FRMD6: variants seen among roughly 807,000 people sequenced by gnomAD.
FRMD6 encodes the protein FERM domain-containing protein 6.
A neutral mutation model predicts 73.2 loss-of-function variants in FRMD6; 37 were observed. The observed-to-expected ratio is 0.51, with a 90% CI of 0.39 to 0.66. The LOEUF (loss-of-function observed/expected upper bound fraction) is 0.66. Among genes scored for constraint, FRMD6 ranks in the 30% least tolerant of loss-of-function variants. The probability of loss-of-function intolerance (pLI) is 0.00; values close to 1 mark genes in which losing one functional copy is unlikely to be tolerated. For synonymous variants in FRMD6, 273 were observed against 282.2 expected (o/e 0.97, Z 0.33); for missense variants, 714 against 780.5 (o/e 0.91, Z 1.02).
At chr14:51,685,371 C>T (rs1017041213) in intron 1 of FRMD6, among the ~76,000 whole-genome samples, 1 of 152,164 alleles carries the variant, frequency 6.6e-6, no homozygotes, top group Non-Finnish European at 1.5e-5. Flanking sequence ...CTATCAAGTA[C>T]TCTGGGCCTA....
chr14:51,591,748 G>T (rs1889410193), intron 2 of FRMD6, among the ~76,000 whole-genome samples: 1 of 152,058 alleles, frequency 6.6e-6, no homozygotes, highest in African/African-American at 2.4e-5. Context: ...TCACCATGTT[G>T]GCAAGGCTGG....
In FRMD6 at chr14:51,492,564, A is replaced by G. The variant is rs189906871; in HGVS notation, c.-210+3144A>G. On this transcript the variant is annotated intron_variant, in intron 1 of 14. Coordinates refer to the FRMD6 transcript ENST00000356218. Reference sequence around the variant, plus strand: ...TTATTGTATAACTTGGTAATGAATCAGTCAAGTATCACCTTCTTTGATGTT... The same window carrying G: ...TTATTGTATAACTTGGTAATGAATCGGTCAAGTATCACCTTCTTTGATGTT... 3.3e-5 allele frequency among the ~76,000 whole-genome samples: 5 copies of G among 152,260 alleles called. No homozygotes were observed. In the East Asian group the frequency reaches 7.7e-4, roughly 24 times the overall value.
chr14:51,569,960 T>C (rs866604002), intron 1 of FRMD6, among the ~76,000 whole-genome samples: 19 of 151,906 alleles, frequency 1.3e-4, no homozygotes, highest in Admixed American at 9.2e-4. Flanking sequence ...GGACTACAGG[T>C]GTGCGCCACC....
chr14:51,724,668 C>G (rs1566601567), intron 12 of FRMD6, among the ~76,000 whole-genome samples: 1 of 151,752 alleles, frequency 6.6e-6, no homozygotes, highest in East Asian at 1.9e-4. Flanking sequence ...GGATAGAACA[C>G]AAGTCATTCT....
chr14:51,553,610 T>G (rs377092232), intron 1 of FRMD6, among the ~76,000 whole-genome samples: 1 of 152,142 alleles, frequency 6.6e-6, no homozygotes, highest in African/African-American at 2.4e-5. Context: ...TAAAAGGAGC[T>G]AAAAGGTGCA....
At chr14:51,471,971 T>A in the FRMD6 span, among the ~76,000 whole-genome samples, 562 of 152,284 alleles carry the variant, frequency 3.7e-3, 7 homozygotes, top group Non-Finnish European at 3.5e-3. Flanking sequence ...ACTGTCCATC[T>A]CTCCAGAAGA....
the FRMD6 span, among the ~76,000 whole-genome samples, chr14:51,452,495 G>A: frequency 3.3e-5 from 5 of 152,192 alleles, no homozygotes; most frequent in East Asian, 7.7e-4. Flanking sequence ...GTTTGATTTG[G>A]AGCATATTGA....
chr14:51,669,041 G>A (rs980588495), intron 1 of FRMD6, among the ~76,000 whole-genome samples: 5 of 152,164 alleles, frequency 3.3e-5, no homozygotes, highest in African/African-American at 9.7e-5. Context: ...AATTTGATGA[G>A]TTTTGACAAA....
chr14:51,633,374 G>A (rs1343586008), intron 2 of FRMD6, among the ~76,000 whole-genome samples: 1 of 151,186 alleles, frequency 6.6e-6, no homozygotes, highest in Non-Finnish European at 1.5e-5. Context: ...GGCCCAGGTG[G>A]GCAAATCTCT....
chr14:51,585,514 G>C (rs1480123930), intron 2 of FRMD6, among the ~76,000 whole-genome samples: 1 of 152,128 alleles, frequency 6.6e-6, no homozygotes, highest in African/African-American at 2.4e-5. Context: ...GGGATTAAAA[G>C]CAAAGACCTG....
chr14:51,727,136 C>T (rs1407817260), intron 13 of FRMD6, among the ~76,000 whole-genome samples: 1 of 152,048 alleles, frequency 6.6e-6, no homozygotes, highest in South Asian at 2.1e-4. Flanking sequence ...TCTTCAACAC[C>T]AAGAACACCC....
chr14:51,587,594 C>T (rs2139702816), intron 2 of FRMD6, among the ~76,000 whole-genome samples: 1 of 152,164 alleles, frequency 6.6e-6, no homozygotes, highest in African/African-American at 2.4e-5. Flanking sequence ...ATATCTGCTG[C>T]TTTTGATCTG....
the FRMD6 span, among the ~76,000 whole-genome samples, chr14:51,453,057 A>G: frequency 6.6e-5 from 10 of 152,114 alleles, no homozygotes; most frequent in Non-Finnish European, 1.3e-4. Flanking sequence ...AAGAGAGATA[A>G]AGCAAGAACC....
chr14:51,611,217 A>C (rs1250796854), intron 2 of FRMD6, among the ~76,000 whole-genome samples: 1 of 152,174 alleles, frequency 6.6e-6, no homozygotes, highest in African/African-American at 2.4e-5. Context: ...GGGAAATATA[A>C]GGAAATTTCT....
chr14:51,402,468 A>G, the FRMD6 span, among the ~76,000 whole-genome samples: 1 of 151,978 alleles, frequency 6.6e-6, no homozygotes, highest in African/African-American at 2.4e-5. Flanking sequence ...TAAAAACGGG[A>G]GTTTCCCTGC....
At chr14:51,546,314 C>T (rs1886459978) in intron 1 of FRMD6, among the ~76,000 whole-genome samples, 1 of 151,852 alleles carries the variant, frequency 6.6e-6, no homozygotes, top group South Asian at 2.1e-4. Flanking sequence ...CCAGTCTCCA[C>T]GTGGCAGCCT....
chr14:51,688,342 A>T (rs1895317666), intron 1 of FRMD6, among the ~76,000 whole-genome samples: 1 of 152,136 alleles, frequency 6.6e-6, no homozygotes, highest in South Asian at 2.1e-4. Flanking sequence ...CGTATATATG[A>T]TTACCATTTG....
At chr14:51,414,209 T>C in the FRMD6 span, among the ~76,000 whole-genome samples, 1 of 152,376 alleles carries the variant, frequency 6.6e-6, no homozygotes, top group Admixed American at 6.5e-5. Flanking sequence ...TTTGGTGTTT[T>C]AGACATGAAG....
intron 1 of FRMD6, among the ~76,000 whole-genome samples, chr14:51,529,755 C>T (rs1467940088): frequency 6.6e-6 from 1 of 152,196 alleles, no homozygotes; most frequent in Non-Finnish European, 1.5e-5. Flanking sequence ...TATCTCATAA[C>T]AGAGAACCCA....
Sources: allele counts gnomAD v4.1 joint callset (sites outside exome capture counted in the v4.1 genomes callset), GRCh38; gene constraint gnomAD v4.1.1; transcripts MANE v1.5; gene names NCBI Gene and HGNC (gene_info 2026-07-23, HGNC 2026-07-21).